The following LZTFL1 variants were observed in gnomAD, a reference collection of about 807,000 sequenced individuals.
The protein encoded by LZTFL1 is leucine zipper transcription factor like 1, also known as leucine zipper transcription factor-like protein 1.
In LZTFL1, 25 loss-of-function variants were observed where a neutral mutation model predicts 45.9. The observed-to-expected ratio is 0.54, with a 90% CI of 0.40 to 0.76. The LOEUF is 0.76. Ranked by LOEUF, LZTFL1 falls within the 30% of genes least tolerant of loss-of-function variation. LZTFL1 has a pLI of 0.00. For missense variants in LZTFL1, 277 were observed against 331.1 expected (o/e 0.84, Z 1.27); for synonymous variants, 93 against 117.4 (o/e 0.79, Z 1.35).
chr3:45,859,346 C>A (rs1701443768), intron 2 of LZTFL1, among the ~76,000 whole-genome samples: 1 of 152,198 alleles, frequency 6.6e-6, no homozygotes, highest in African/African-American at 2.4e-5. Context: ...CTGCCGCACC[C>A]TCCCAAGTAG....
Position 45,901,751 on chromosome 3 carries a change from T to C in LZTFL1, c.-215+11369A>G. 6.2e-7 allele frequency: 1 copy of C among 1,614,178 alleles called. No individual in the cohort carries two copies. Among genetic ancestry groups the C allele is most frequent in the Non-Finnish European group, 8.5e-7 (1 of 1,180,028 alleles). On this transcript the variant is annotated intron_variant, in intron 2 of 4. Transcript: ENST00000472635. This position sits in a 1 kb window ranked among gnomAD's most constrained non-coding sequence, Gnocchi z 4.3. ...ACCCTGTTCTCTATGTTTTTGTGGG[T>C]GAGAGATTCCGCCGGGATCTCGTGA...
intron 2 of LZTFL1, among the ~76,000 whole-genome samples, chr3:45,860,670 A>C (rs1034078114): frequency 6.6e-6 from 1 of 152,178 alleles, no homozygotes; most frequent in Non-Finnish European, 1.5e-5. Context: ...GTGACAGAGC[A>C]CATGGAACAT....
rs972626420 is a variant in LZTFL1, at chr3:45,826,077, T to C, written c.*237A>G. On this transcript the variant is annotated 3_prime_UTR_variant, in exon 10 of 10. Transcript: ENST00000296135. ...TTTGCTGTAAAGAATTCTCAGTGCA[T>C]GTGAGCTAAGACTCTGGAGCACTCA... The C allele has an allele frequency of 6.8e-6, 3 of 438,730 alleles. No homozygotes were observed. Among genetic ancestry groups the C allele is most frequent in the Non-Finnish European group, 1.2e-5 (3 of 247,576 alleles). The allele number at this position is 438,730 out of a possible 1,614,324, so 27.2% of individuals were successfully genotyped here. A position where few individuals can be genotyped will look rare whatever the true frequency, so the allele number is the denominator to read the frequency against.
intron 3 of LZTFL1, among the ~76,000 whole-genome samples, chr3:45,856,228 A>G (rs1701391722): frequency 6.6e-6 from 1 of 152,148 alleles, no homozygotes; most frequent in Non-Finnish European, 1.5e-5. Flanking sequence ...CAGAAATAAG[A>G]CTGCACATAT....
At chr3:45,888,879 C>T (rs1702062339) in intron 2 of LZTFL1, among the ~76,000 whole-genome samples, 1 of 152,170 alleles carries the variant, frequency 6.6e-6, no homozygotes, top group East Asian at 1.9e-4. Context: ...TGTTTTTACT[C>T]TTTGGCTCTC....
At chr3:45,861,604 ATG>A (rs949840542) in intron 2 of LZTFL1, among the ~76,000 whole-genome samples, 2 of 152,112 alleles carry the variant, frequency 1.3e-5, no homozygotes, top group Admixed American at 1.3e-4. Context: ...GCATGTGTGT[ATG>A]TGTGTTTGTG....
chr3:45,837,988 A>C lies in LZTFL1; in HGVS notation c.67T>G (p.Ser23Ala). 1 of 1,613,788 alleles carries C rather than the reference A, an allele frequency of 6.2e-7. No individual in the cohort carries two copies. Among genetic ancestry groups the C allele is most frequent in the African/African-American group, 1.3e-5 (1 of 75,040 alleles). Residue 23 changes from serine (S) to alanine (A), a missense_variant, in exon 2 of 10, where the codon TCA (serine) becomes GCA (alanine). Coordinates refer to ENST00000296135, the MANE Select transcript of LZTFL1 (RefSeq NM_020347.4). ...GTTTTGAGTCTCAAGCCTCTCTTTG[A>C]ACGAGCAAAACGCATATAATTAATA... Reference protein sequence around the residue: ...EVINYMRFARSKRGLRLKTVD... With the variant: ...EVINYMRFARAKRGLRLKTVD...
intron 2 of LZTFL1, among the ~76,000 whole-genome samples, chr3:45,903,780 A>T (rs1450060154): frequency 6.6e-6 from 1 of 152,202 alleles, no homozygotes; most frequent in Admixed American, 6.5e-5. Context: ...CAGCAGATCA[A>T]CGTGGGCCCA....
In LZTFL1 at chr3:45,901,801, T is replaced by C. The variant is rs1362538320; in HGVS notation, c.-215+11319A>G. The C allele has an allele frequency of 2.5e-6, 4 of 1,614,178 alleles. No homozygotes were observed. The highest frequency in any genetic ancestry group is 1.1e-5 in the South Asian group (1 of 91,080). ...AAAACCCTGAAGAACTTGGGTTGCA[T>C]CAGCCAGGCCCAGTGGGTTTCATTT... On this transcript the variant is annotated intron_variant, in intron 2 of 4. Coordinates refer to the LZTFL1 transcript ENST00000472635. This position sits in a 1 kb window ranked among gnomAD's most constrained non-coding sequence, Gnocchi z 4.3.
intron 2 of LZTFL1, chr3:45,894,983 T>C: frequency 6.2e-7 from 1 of 1,610,312 alleles, no homozygotes; most frequent in African/African-American, 1.3e-5. Flanking sequence ...CTCTGGCTCC[T>C]CAAAACACAC....
At chr3:45,883,359 T>C (rs141942877) in intron 2 of LZTFL1, among the ~76,000 whole-genome samples, 41 of 152,338 alleles carry the variant, frequency 2.7e-4, no homozygotes, top group African/African-American at 9.9e-4. Flanking sequence ...AAAGCTCATA[T>C]ATCATGTTGA....
intron 2 of LZTFL1, among the ~76,000 whole-genome samples, chr3:45,906,664 C>T (rs1702684019): frequency 6.6e-6 from 1 of 152,240 alleles, no homozygotes; most frequent in Non-Finnish European, 1.5e-5. Flanking sequence ...ATGGTGTCAT[C>T]TTCACAGAAT....
chr3:45,915,292 C>G lies in LZTFL1; in HGVS notation c.-273+129G>C, dbSNP rs549887191. Reference sequence around the variant, plus strand: ...GCCTTTAGGGAGGCCCTTTCTGTTACCCCTCTTTTCTCATCACTGCTTTGC... The same window carrying G: ...GCCTTTAGGGAGGCCCTTTCTGTTAGCCCTCTTTTCTCATCACTGCTTTGC... On this transcript the variant is annotated intron_variant, in intron 1 of 4. Transcript: ENST00000472635. 1,184 of 294,072 alleles carry G rather than the reference C, an allele frequency of 4.0e-3. 3 individuals carry two copies. The highest frequency in any genetic ancestry group is 6.3e-3 in the Non-Finnish European group (905 of 143,550). The allele number at this position is 294,072 out of a possible 1,614,324, so 18.2% of individuals were successfully genotyped here.
At chr3:45,857,325 A>C (rs1326117338) in intron 3 of LZTFL1, among the ~76,000 whole-genome samples, 1 of 152,174 alleles carries the variant, frequency 6.6e-6, no homozygotes. Flanking sequence ...AACAATGAGA[A>C]CATGTGGACA....
chr3:45,866,175 C>T (rs1241488364), intron 2 of LZTFL1, among the ~76,000 whole-genome samples: 1 of 152,140 alleles, frequency 6.6e-6, no homozygotes, highest in Non-Finnish European at 1.5e-5. Flanking sequence ...GGTCCAAGGA[C>T]ACTTTTGGGG....
chr3:45,897,966 CT>C (rs1353361464), intron 2 of LZTFL1, among the ~76,000 whole-genome samples: 1 of 104,506 alleles, frequency 9.6e-6, no homozygotes, highest in Non-Finnish European at 1.9e-5. Context: ...TCTATTAAAG[CT>C]ATTTGACCAA....
intron 2 of LZTFL1, among the ~76,000 whole-genome samples, chr3:45,877,274 C>T (rs1249185623): frequency 1.4e-5 from 2 of 147,402 alleles, no homozygotes; most frequent in Non-Finnish European, 3.0e-5. Context: ...GCTCTTGTTG[C>T]CCAGGCTGGA....
chr3:45,864,483 A>C (rs1319709667), intron 2 of LZTFL1, among the ~76,000 whole-genome samples: 1 of 152,228 alleles, frequency 6.6e-6, no homozygotes, highest in African/African-American at 2.4e-5. Flanking sequence ...CTGAAATATT[A>C]TGAAGTCATT....
chr3:45,837,798 C>G, intron 2 of LZTFL1, 129 bp downstream of exon 2: 1 of 961,016 alleles, frequency 1.0e-6, no homozygotes, highest in South Asian at 2.0e-5. Context: ...CTTAGTGTAG[C>G]TGCTCTTAGC....
Sources: gnomAD v4.1 joint callset for allele counts (sites outside exome capture counted in the v4.1 genomes callset) on GRCh38, gnomAD v4.1.1 for gene constraint, Gnocchi (gnomAD v3.1) non-coding constraint, MANE v1.5 for transcripts, NCBI Gene and HGNC (gene_info 2026-07-23, HGNC 2026-07-21) for gene names.